GRM1: variants seen among roughly 807,000 people sequenced by gnomAD.
GRM1 encodes the protein glutamate metabotropic receptor 1.
In GRM1, 33 loss-of-function variants were observed where a neutral mutation model predicts 90.9. That is an observed-to-expected ratio of 0.36 (90% confidence interval 0.28 to 0.49). GRM1 has a LOEUF of 0.49. GRM1 is among the 20% of genes least tolerant of loss of function. The pLI, the probability that GRM1 is intolerant of heterozygous loss-of-function variation, is 0.99. For synonymous variants in GRM1, 700 were observed against 613.2 expected (o/e 1.14, Z -2.09); for missense variants, 1,190 against 1,534.3 (o/e 0.78, Z 3.75).
rs779765393 is a variant in GRM1 at position 146,076,185 on chromosome 6, G to A, written c.700+45968G>A. On this transcript the variant is annotated intron_variant, in intron 1 of 7. Transcript: ENST00000282753. ...AGCTCATTTATCTTGCATAGGGTTAGTGATGAGTCGAATAGACGGCATGAA... is the reference window on the plus strand; with the variant it reads ...AGCTCATTTATCTTGCATAGGGTTAATGATGAGTCGAATAGACGGCATGAA... Among the ~76,000 whole-genome samples, 20 of 152,206 alleles carry A rather than the reference G, an allele frequency of 1.3e-4. No individual in the cohort carries two copies. In the East Asian group the frequency reaches 2.9e-3, roughly 22 times the overall value.
intron 7 of GRM1, among the ~76,000 whole-genome samples, chr6:146,427,961 G>A (rs1346165863): frequency 6.6e-6 from 1 of 152,196 alleles, no homozygotes; most frequent in Non-Finnish European, 1.5e-5. Flanking sequence ...AGAGAGAGGA[G>A]AGTTGACTGA....
intron 7 of GRM1, among the ~76,000 whole-genome samples, chr6:146,417,169 A>G (rs1777817340): frequency 6.6e-6 from 1 of 152,184 alleles, no homozygotes; most frequent in African/African-American, 2.4e-5. Flanking sequence ...TTCCAAGGGG[A>G]AAAACAGCTT....
chr6:146,049,728 A>G (rs1472087537), intron 1 of GRM1, among the ~76,000 whole-genome samples: 1 of 151,772 alleles, frequency 6.6e-6, no homozygotes, highest in East Asian at 1.9e-4. Flanking sequence ...CTGTCCCTCT[A>G]GAGAATCTTG....
chr6:146,418,295 T>A (rs1777859272), intron 7 of GRM1, among the ~76,000 whole-genome samples: 1 of 151,884 alleles, frequency 6.6e-6, no homozygotes, highest in Non-Finnish European at 1.5e-5. Context: ...GTTCCTGGGG[T>A]AAAGCTAAGA....
intron 7 of GRM1, chr6:146,426,578 T>A: frequency 1.2e-6 from 2 of 1,612,770 alleles, no homozygotes; most frequent in Non-Finnish European, 1.7e-6. Flanking sequence ...GCCAGAATTC[T>A]CGCCCACCAG....
At chr6:146,381,521 A>G (rs1189112650) in intron 5 of GRM1, among the ~76,000 whole-genome samples, 1 of 152,152 alleles carries the variant, frequency 6.6e-6, no homozygotes, top group Non-Finnish European at 1.5e-5. Context: ...GGCATCGGTG[A>G]TTCAGGACTG....
intron 3 of GRM1, among the ~76,000 whole-genome samples, chr6:146,311,438 C>G (rs2114942961): frequency 6.6e-6 from 1 of 152,318 alleles, no homozygotes; most frequent in Admixed American, 6.5e-5. Flanking sequence ...TCATCTGGAC[C>G]TTATAATTTC....
intron 1 of GRM1, among the ~76,000 whole-genome samples, chr6:146,036,696 T>C (rs1790903358): frequency 6.6e-6 from 1 of 151,958 alleles, no homozygotes; most frequent in African/African-American, 2.4e-5. Context: ...TCTATTTTAT[T>C]TATTTCATAG....
rs1300800264 is a variant in GRM1 at position 146,041,400 on chromosome 6, AT to A, written c.700+11186del. Among the ~76,000 whole-genome samples the A allele has an allele frequency of 2.0e-5, 3 of 151,840 alleles. No homozygotes were observed. In the East Asian group the frequency reaches 5.8e-4, roughly 30 times the overall value. On this transcript the variant is annotated intron_variant, in intron 1 of 7. Transcript: ENST00000282753. ...TGGTGTGGTCTGTCTAGTGATGTGT[AT>A]TTACAGGTTCTATGCTGGTTGCCTG...
At chr6:146,150,467 T>C (rs921073710) in intron 1 of GRM1, among the ~76,000 whole-genome samples, 1 of 152,200 alleles carries the variant, frequency 6.6e-6, no homozygotes, top group African/African-American at 2.4e-5. Context: ...ATGGGGTACA[T>C]GTGATATTTT....
rs115448155 is a variant in GRM1, at chr6:146,184,426, T to C, written c.950+24829T>C. Reference sequence around the variant, plus strand: ...ATTCTCTAATTGTGGCTGATAAGTTTTTTCTGTTTTTTTTTAATTAACTAT... The same window carrying C: ...ATTCTCTAATTGTGGCTGATAAGTTCTTTCTGTTTTTTTTTAATTAACTAT... On this transcript the variant is annotated intron_variant, in intron 2 of 7. Transcript: ENST00000282753. 2.1e-3 allele frequency among the ~76,000 whole-genome samples: 313 copies of C among 152,196 alleles called. 1 individual carries two copies. The highest frequency in any genetic ancestry group is 7.3e-3 in the African/African-American group (303 of 41,490).
At chr6:146,300,764 G>A (rs763866462) in intron 2 of GRM1, among the ~76,000 whole-genome samples, 6 of 152,156 alleles carry the variant, frequency 3.9e-5, no homozygotes, top group Admixed American at 1.3e-4. Context: ...GACACTTGGC[G>A]AGTGACCAGG....
At chr6:146,316,969 A>T (rs753703807) in intron 3 of GRM1, among the ~76,000 whole-genome samples, 4 of 152,338 alleles carry the variant, frequency 2.6e-5, no homozygotes, top group Admixed American at 2.6e-4. Flanking sequence ...TAACTAGTTT[A>T]TCAGGCACAA....
At chr6:146,073,145 G>A (rs1043630996) in intron 1 of GRM1, among the ~76,000 whole-genome samples, 2 of 151,998 alleles carry the variant, frequency 1.3e-5, no homozygotes, top group East Asian at 3.9e-4. Flanking sequence ...CATATCTCAG[G>A]GTGTGCTTAT....
chr6:146,432,728 G>A (rs1778459621), intron 7 of GRM1, among the ~76,000 whole-genome samples: 1 of 152,218 alleles, frequency 6.6e-6, no homozygotes, highest in Non-Finnish European at 1.5e-5. Context: ...GTTGTTATTA[G>A]TAGAAGGCTA....
chr6:146,248,909 G>T (rs1307302603), intron 2 of GRM1, among the ~76,000 whole-genome samples: 1 of 152,176 alleles, frequency 6.6e-6, no homozygotes, highest in African/African-American at 2.4e-5. Flanking sequence ...AGTCACTCTT[G>T]CTATGCTTTA....
At chr6:146,175,255 T>C (rs1217006942) in intron 2 of GRM1, among the ~76,000 whole-genome samples, 1 of 152,182 alleles carries the variant, frequency 6.6e-6, no homozygotes, top group Admixed American at 6.5e-5. Flanking sequence ...TGGCTGTTAG[T>C]CATTTTATAG....
rs545025167 is a variant in GRM1, at chr6:146,042,134, C to T, written c.700+11917C>T. On this transcript the variant is annotated intron_variant, in intron 1 of 7. Coordinates refer to ENST00000282753, the MANE Select transcript of GRM1 (RefSeq NM_001278064.2). ...CAATGACTCAATCAAATTCAAAAGTCTCTATCTTTTAATACCACCACAATG... is the reference window on the plus strand; with the variant it reads ...CAATGACTCAATCAAATTCAAAAGTTTCTATCTTTTAATACCACCACAATG... Among the ~76,000 whole-genome samples, 29 of 152,124 alleles carry T rather than the reference C, an allele frequency of 1.9e-4. 2 individuals carry two copies. In the South Asian group the frequency reaches 5.8e-3, roughly 30 times the overall value.
intron 1 of GRM1, among the ~76,000 whole-genome samples, chr6:146,096,252 G>A (rs527739531): frequency 6.6e-6 from 1 of 152,300 alleles, no homozygotes; most frequent in South Asian, 2.1e-4. Flanking sequence ...GTATGCATAT[G>A]TCTGTGATGC....
Sources: allele counts gnomAD v4.1 joint callset (sites outside exome capture counted in the v4.1 genomes callset), GRCh38; gene constraint gnomAD v4.1.1; transcripts MANE v1.5; gene names NCBI Gene and HGNC (gene_info 2026-07-23, HGNC 2026-07-21).